The following AGPS variants were observed in gnomAD, a reference collection of about 807,000 sequenced individuals.
The protein encoded by AGPS is alkyldihydroxyacetonephosphate synthase, peroxisomal.
In AGPS, 26 loss-of-function variants were observed where a neutral mutation model predicts 90.7. That is an observed-to-expected ratio of 0.29 (90% confidence interval 0.21 to 0.40). The LOEUF (loss-of-function observed/expected upper bound fraction) is 0.40, where lower values mean the gene tolerates loss of function less well. Among genes scored for constraint, AGPS ranks in the 10% least tolerant of loss-of-function variants. AGPS has a pLI of 1.00. For synonymous variants in AGPS, 294 were observed against 285.3 expected (o/e 1.03, Z -0.31); for missense variants, 540 against 816.1 (o/e 0.66, Z 4.12).
At chr2:177,442,166 G>A (rs1441254700) in intron 6 of AGPS, among the ~76,000 whole-genome samples, 1 of 152,154 alleles carries the variant, frequency 6.6e-6, no homozygotes, top group Admixed American at 6.5e-5. Context: ...ATTTCCAGGG[G>A]ATGGAACCAT....
intron 19 of AGPS, among the ~76,000 whole-genome samples, chr2:177,524,947 C>CG (rs1559084284): frequency 6.6e-6 from 1 of 152,186 alleles, no homozygotes; most frequent in Non-Finnish European, 1.5e-5. Context: ...TAGCTCCCAA[C>CG]GTCATTGTGT....
intron 8 of AGPS, among the ~76,000 whole-genome samples, chr2:177,458,563 T>C (rs1419758098): frequency 6.6e-6 from 1 of 152,108 alleles, no homozygotes; most frequent in Non-Finnish European, 1.5e-5. Flanking sequence ...ATGAGTGAAC[T>C]CCTATTCACA....
chr2:177,487,074 T>A (rs923087070), intron 11 of AGPS, among the ~76,000 whole-genome samples: 1 of 152,194 alleles, frequency 6.6e-6, no homozygotes, highest in Non-Finnish European at 1.5e-5. Flanking sequence ...TATAACGTGT[T>A]ATTATTCTCT....
At position 177,521,589 on chromosome 2, in the gene AGPS, T is replaced by C. The variant is rs1473738341; in HGVS notation, c.1797+221T>C. Among the ~76,000 whole-genome samples the C allele has an allele frequency of 2.6e-5, 4 of 152,198 alleles. No homozygotes were observed. In the East Asian group the frequency reaches 7.7e-4, roughly 29 times the overall value. ...CACCTAGTCTGTGATTCTTCAGTTG[T>C]TACAGTACATAATAGCTGATTAAAT... On this transcript the variant is annotated intron_variant, in intron 18 of 19. Transcript: ENST00000264167.
Position 177,461,877 on chromosome 2 carries a change from A to T in AGPS, c.871-16A>T, listed in dbSNP as rs752510426. ...GGACCATTTTCACTGTAAAATGTTA[A>T]ATTTTTGTTTTTCAGCTTAAAGAAA... On this transcript the variant is annotated splice_polypyrimidine_tract_variant and intron_variant, in intron 8 of 19. Coordinates refer to ENST00000264167, the MANE Select transcript of AGPS (RefSeq NM_003659.4). 6.2e-7 allele frequency: 1 copy of T among 1,606,546 alleles called. No homozygotes were observed. Among genetic ancestry groups the T allele is most frequent in the South Asian group, 1.1e-5 (1 of 90,940 alleles).
chr2:177,478,141 TC>T (rs1165081648), intron 10 of AGPS, among the ~76,000 whole-genome samples: 3 of 152,198 alleles, frequency 2.0e-5, no homozygotes. Flanking sequence ...GACACATTTT[TC>T]CCCCTTTCAG....
At chr2:177,501,945 C>T (rs1688573655) in intron 14 of AGPS, among the ~76,000 whole-genome samples, 1 of 152,160 alleles carries the variant, frequency 6.6e-6, no homozygotes, top group Admixed American at 6.5e-5. Flanking sequence ...GGATTACAGG[C>T]ATTATTTTGT....
chr2:177,521,199 T>A, intron 17 of AGPS, 70 bp from the exon 18 acceptor site: 1 of 1,339,310 alleles, frequency 7.5e-7, no homozygotes, highest in East Asian at 2.3e-5. Context: ...GTCTTGACTT[T>A]CAGTTTCTAG....
At position 177,543,661 on chromosome 2, in the gene AGPS, G is replaced by A. The variant is rs1376740406; in HGVS notation, c.*5466G>A. On this transcript the variant is annotated 3_prime_UTR_variant, in exon 20 of 20. Coordinates refer to ENST00000264167, the MANE Select transcript of AGPS (RefSeq NM_003659.4). ...ATTCCAGCATAGCTTTGTCAATTCC[G>A]ACTGAGCCATACTGTTTTCCACAAG... is the stretch of plus-strand genomic sequence containing the variant. 2.0e-5 allele frequency: 3 copies of A among 152,184 alleles called. No individual in the cohort carries two copies. Among genetic ancestry groups the A allele is most frequent in the South Asian group, 4.1e-4 (2 of 4,834 alleles). 9.4% of individuals were successfully genotyped at this position (152,184 alleles called of 1,614,324 possible).
intron 19 of AGPS, among the ~76,000 whole-genome samples, chr2:177,525,481 G>A (rs1169162543): frequency 6.6e-6 from 1 of 152,056 alleles, no homozygotes; most frequent in Admixed American, 6.6e-5. Flanking sequence ...TTTGCCCTTT[G>A]GTATGTGTCA....
At chr2:177,402,767 C>T (rs118042787) in intron 1 of AGPS, among the ~76,000 whole-genome samples, 3 of 152,184 alleles carry the variant, frequency 2.0e-5, no homozygotes, top group Admixed American at 6.5e-5. Context: ...TTTGAAACTT[C>T]GTCTACTGGC....
chr2:177,441,690 A>G (rs1285464572), intron 6 of AGPS, among the ~76,000 whole-genome samples: 1 of 152,180 alleles, frequency 6.6e-6, no homozygotes. Flanking sequence ...TTCATGCAGA[A>G]CTTATGGAAG....
At chr2:177,443,514 G>T (rs1252267805) in intron 7 of AGPS, among the ~76,000 whole-genome samples, 1 of 152,148 alleles carries the variant, frequency 6.6e-6, no homozygotes, top group Non-Finnish European at 1.5e-5. Flanking sequence ...TCCATATAAA[G>T]TCTAGTTAGA....
intron 12 of AGPS, among the ~76,000 whole-genome samples, chr2:177,496,622 G>C (rs1688420314): frequency 6.6e-6 from 1 of 152,072 alleles, no homozygotes; most frequent in African/African-American, 2.4e-5. Context: ...GTATAGCATA[G>C]ATATCTAATT....
chr2:177,459,239 G>A (rs1485928406), intron 8 of AGPS, among the ~76,000 whole-genome samples: 4 of 152,100 alleles, frequency 2.6e-5, no homozygotes, highest in African/African-American at 9.7e-5. Flanking sequence ...CCTGGACAAT[G>A]CCATTTAGGA....
chr2:177,419,740 A>G (rs545196011), intron 1 of AGPS, among the ~76,000 whole-genome samples: 1 of 151,974 alleles, frequency 6.6e-6, no homozygotes, highest in South Asian at 2.1e-4. Context: ...ATTGGTAGCT[A>G]TATGGAATTT....
In AGPS at chr2:177,435,109, T is replaced by G. The variant is rs1216135428; in HGVS notation, c.441+692T>G. On this transcript the variant is annotated intron_variant, in intron 3 of 19. Coordinates refer to ENST00000264167, the MANE Select transcript of AGPS (RefSeq NM_003659.4). ...TTGTTGCATTTCTTTTTATTATTTT[T>G]GATGTGTTTTTATTATTATTTTGCT... Among the ~76,000 whole-genome samples the G allele has an allele frequency of 3.3e-5, 5 of 151,008 alleles. No homozygotes were observed. The South Asian group carries it at 8.4e-4, about 25-fold the overall frequency.
intron 8 of AGPS, among the ~76,000 whole-genome samples, chr2:177,446,188 C>G (rs1296607862): frequency 6.6e-6 from 1 of 151,472 alleles, no homozygotes; most frequent in Non-Finnish European, 1.5e-5. Flanking sequence ...GAGTCTCACT[C>G]TGTCGCCCAG....
chr2:177,423,542 C>T (rs771598569), intron 2 of AGPS, among the ~76,000 whole-genome samples: 2 of 151,904 alleles, frequency 1.3e-5, no homozygotes, highest in Admixed American at 6.6e-5. Flanking sequence ...AAGGGAAATC[C>T]CAGGTGCCAG....
Sources: gnomAD v4.1 joint callset for allele counts (sites outside exome capture counted in the v4.1 genomes callset) on GRCh38, gnomAD v4.1.1 for gene constraint, MANE v1.5 for transcripts, NCBI Gene and HGNC (gene_info 2026-07-23, HGNC 2026-07-21) for gene names.